The following GLIS3 variants were observed in gnomAD, a reference collection of about 807,000 sequenced individuals.
The protein encoded by GLIS3 is GLIS family zinc finger 3.
GLIS3 carries 53 observed loss-of-function variants against 78.6 expected under a neutral mutation model. The ratio of observed to expected loss-of-function variants is 0.67; its 90% CI spans 0.54 to 0.85. GLIS3 has a LOEUF of 0.85. GLIS3 is among the 40% of genes least tolerant of loss of function. The probability of loss-of-function intolerance (pLI) is 0.00; values close to 1 mark genes in which losing one functional copy is unlikely to be tolerated. For synonymous variants in GLIS3, 684 were observed against 509.9 expected, an observed-to-expected ratio of 1.34 and a Z score of -4.60; for missense variants, 1,703 against 1,231.1, an observed-to-expected ratio of 1.38 and a Z score of -5.74.
chr9:3,976,289 A>C (rs1374600119), intron 4 of GLIS3, among the ~76,000 whole-genome samples: 1 of 152,174 alleles, frequency 6.6e-6, no homozygotes, highest in Non-Finnish European at 1.5e-5. Context: ...CATCTTTAAA[A>C]GATGTAAATA....
the GLIS3 span, among the ~76,000 whole-genome samples, chr9:4,444,960 A>AT: frequency 1.3e-5 from 2 of 152,068 alleles, no homozygotes; most frequent in African/African-American, 4.8e-5. Context: ...ATATACGACT[A>AT]TTTTTTTCAC....
At chr9:4,318,622 G>C (rs939354763) in intron 2 of GLIS3, among the ~76,000 whole-genome samples, 4 of 152,070 alleles carry the variant, frequency 2.6e-5, no homozygotes, top group Admixed American at 6.6e-5. Flanking sequence ...TGTTCACACA[G>C]AGATAAAAAA....
the GLIS3 span, among the ~76,000 whole-genome samples, chr9:4,403,911 C>T: frequency 6.6e-6 from 1 of 151,970 alleles, no homozygotes; most frequent in Admixed American, 6.6e-5. Flanking sequence ...CTAAATGCTC[C>T]AATCAAAAGA....
intron 4 of GLIS3, among the ~76,000 whole-genome samples, chr9:4,025,510 C>A (rs1823256336): frequency 6.6e-6 from 1 of 152,060 alleles, no homozygotes. Flanking sequence ...GCCTCAGCCT[C>A]CCGAGTAGCT....
At chr9:4,235,316 A>AAAAAC (rs1554629683) in intron 2 of GLIS3, among the ~76,000 whole-genome samples, 3 of 144,002 alleles carry the variant, frequency 2.1e-5, no homozygotes, top group Admixed American at 6.9e-5. Flanking sequence ...AAAAAAAAAA[A>AAAAAC]CTGATGGGGG....
At chr9:4,197,031 C>A (rs1338441329) in intron 2 of GLIS3, among the ~76,000 whole-genome samples, 1 of 152,186 alleles carries the variant, frequency 6.6e-6, no homozygotes, top group Non-Finnish European at 1.5e-5. Flanking sequence ...GATCGTGGTG[C>A]AGTGGGGCTC....
chr9:4,364,537 G>T, the GLIS3 span, among the ~76,000 whole-genome samples: 1 of 151,950 alleles, frequency 6.6e-6, no homozygotes, highest in East Asian at 1.9e-4. Flanking sequence ...ATAAAGTCAG[G>T]TTACAAAACA....
chr9:4,394,560 A>G, the GLIS3 span, among the ~76,000 whole-genome samples: 6 of 152,156 alleles, frequency 3.9e-5, no homozygotes, highest in African/African-American at 1.4e-4. Context: ...GAGTGGGTGG[A>G]AGGAAAATTT....
At position 4,199,220 on chromosome 9, in the gene GLIS3, C is replaced by G. The variant is rs138527751; in HGVS notation, c.389-73279G>C. On this transcript the variant is annotated intron_variant, in intron 2 of 10. Coordinates refer to ENST00000381971, the MANE Select transcript of GLIS3 (RefSeq NM_001042413.2). ...TCAAAGTCTCACATCTCAGTATTAA[C>G]CCTGAATGAAATGGCCTAAAACCCC... Among the ~76,000 whole-genome samples the G allele has an allele frequency of 3.9e-4, 59 of 152,188 alleles. 1 individual carries two copies. Among genetic ancestry groups the G allele is most frequent in the African/African-American group, 1.3e-3 (56 of 41,528 alleles).
chr9:4,341,435 A>C (rs1197070180), intron 2 of GLIS3, among the ~76,000 whole-genome samples: 1 of 152,296 alleles, frequency 6.6e-6, no homozygotes, highest in East Asian at 1.9e-4. Context: ...AAAACTCACC[A>C]TTGTGAAGAC....
intron 2 of GLIS3, among the ~76,000 whole-genome samples, chr9:4,243,871 G>C (rs941743009): frequency 2.6e-4 from 39 of 152,212 alleles, no homozygotes; most frequent in African/African-American, 8.9e-4. Flanking sequence ...GGTACAGGAA[G>C]ATTTCCTTCA....
intron 4 of GLIS3, among the ~76,000 whole-genome samples, chr9:4,087,784 C>T (rs1249213286): frequency 6.6e-6 from 1 of 152,184 alleles, no homozygotes; most frequent in Non-Finnish European, 1.5e-5. Context: ...ACCAATCCTG[C>T]TACACAGTCC....
intron 2 of GLIS3, among the ~76,000 whole-genome samples, chr9:4,244,505 G>C (rs762932928): frequency 9.2e-5 from 14 of 152,138 alleles, no homozygotes; most frequent in Non-Finnish European, 1.8e-4. Context: ...GTTTTTTTAA[G>C]GTGAACTGCT....
the GLIS3 span, among the ~76,000 whole-genome samples, chr9:4,378,071 G>C: frequency 7.9e-5 from 12 of 152,120 alleles, no homozygotes; most frequent in Non-Finnish European, 1.5e-4. Flanking sequence ...TAAAAGATTA[G>C]AATGATCGTG....
chr9:3,871,936 GCT>G (rs1189086837), intron 8 of GLIS3, among the ~76,000 whole-genome samples: 19 of 152,152 alleles, frequency 1.2e-4, no homozygotes, highest in African/African-American at 4.3e-4. Context: ...AAACTTCTAT[GCT>G]CTGTTTCCTT....
chr9:4,213,538 T>A (rs1820552705), intron 2 of GLIS3, among the ~76,000 whole-genome samples: 1 of 152,238 alleles, frequency 6.6e-6, no homozygotes. Flanking sequence ...GAAATGTGGC[T>A]AGTGTAATTA....
intron 2 of GLIS3, among the ~76,000 whole-genome samples, chr9:4,131,172 AG>A (rs1298453442): frequency 2.0e-5 from 3 of 152,196 alleles, no homozygotes; most frequent in Non-Finnish European, 4.4e-5. Flanking sequence ...GTATCTTAGC[AG>A]TAATTAACTT....
intron 4 of GLIS3, among the ~76,000 whole-genome samples, chr9:4,089,818 AAAC>A (rs748708784): frequency 7.9e-5 from 12 of 152,162 alleles, no homozygotes; most frequent in Non-Finnish European, 1.6e-4. Flanking sequence ...ACCCTGACAA[AAAC>A]AACAACAAAA....
intron 2 of GLIS3, among the ~76,000 whole-genome samples, chr9:4,255,748 G>A (rs10814899): frequency 0.33 from 50,393 of 151,838 alleles, 8,854 homozygotes; most frequent in Admixed American, 0.39. Context: ...AGGATTTTTA[G>A]GGCAGTGAAA....
Sources: allele counts gnomAD v4.1 joint callset (sites outside exome capture counted in the v4.1 genomes callset), GRCh38; gene constraint gnomAD v4.1.1; transcripts MANE v1.5; gene names NCBI Gene and HGNC (gene_info 2026-07-23, HGNC 2026-07-21).